The following LRP6 variants were observed in gnomAD, a reference collection of about 807,000 sequenced individuals.
LRP6 encodes the protein low-density lipoprotein receptor-related protein 6.
A neutral mutation model predicts 184.1 loss-of-function variants in LRP6; 43 were observed. The ratio of observed to expected loss-of-function variants is 0.23; its 90% CI spans 0.18 to 0.30. The LOEUF (loss-of-function observed/expected upper bound fraction) is 0.30. Among genes scored for constraint, LRP6 ranks in the 10% least tolerant of loss-of-function variants. The pLI, the probability that LRP6 is intolerant of heterozygous loss-of-function variation, is 1.00. For synonymous variants in LRP6, 719 were observed against 684.9 expected (o/e 1.05, Z -0.78); for missense variants, 1,571 against 2,005.3 (o/e 0.78, Z 4.14).
rs1565582951 is a variant in LRP6, at chr12:12,162,428, G to C, written c.2053-9C>G. Reference sequence around the variant, plus strand: ...AAGGCTCTGCTGATGGTCTGCAAAAGAACATTAACAACTAAGTCATATGGC... The same window carrying C: ...AAGGCTCTGCTGATGGTCTGCAAAACAACATTAACAACTAAGTCATATGGC... On this transcript the variant is annotated splice_polypyrimidine_tract_variant and intron_variant, in intron 9 of 22. Coordinates refer to ENST00000261349, the MANE Select transcript of LRP6 (RefSeq NM_002336.3). The C allele has an allele frequency of 1.2e-6, 2 of 1,606,112 alleles. No homozygotes were observed. Among genetic ancestry groups the C allele is most frequent in the African/African-American group, 2.7e-5 (2 of 74,762 alleles).
intron 10 of LRP6, 78 bp from the exon 11 acceptor site, chr12:12,160,042 CTAAA>C: frequency 9.5e-7 from 1 of 1,051,596 alleles, no homozygotes; most frequent in South Asian, 1.7e-5. Context: ...TGCAAAGTAA[CTAAA>C]TAAATTTAAA....
intron 1 of LRP6, among the ~76,000 whole-genome samples, chr12:12,260,135 T>C (rs778368401): frequency 6.6e-6 from 1 of 152,074 alleles, no homozygotes; most frequent in Non-Finnish European, 1.5e-5. Context: ...TCCCAGCACT[T>C]TGGGAGGCCG....
chr12:12,188,724 A>G (rs1289443013), intron 3 of LRP6, among the ~76,000 whole-genome samples: 1 of 152,212 alleles, frequency 6.6e-6, no homozygotes, highest in Non-Finnish European at 1.5e-5. Flanking sequence ...AATTTCCCAA[A>G]GAGAACTGTC....
Position 12,184,083 on chromosome 12 carries a change from C to T in LRP6, c.873G>A (p.Gly291=). Residue 291 remains glycine (G), a synonymous_variant, in exon 5 of 23, where the codon GGG becomes GGA. Coordinates refer to ENST00000261349, the MANE Select transcript of LRP6 (RefSeq NM_002336.3). ...ACATCAAACACAAATGGGAACAACC[C>T]CCATTGTCAATTCCACATGGATTTG... ...NATNPCGIDN[G]GCSHLCLMSP... is the part of the protein sequence containing the mutation. 1 of 1,613,552 alleles carries T rather than the reference C, an allele frequency of 6.2e-7. No individual in the cohort carries two copies. Among genetic ancestry groups the T allele is most frequent in the South Asian group, 1.1e-5 (1 of 91,062 alleles).
intron 2 of LRP6, among the ~76,000 whole-genome samples, chr12:12,235,457 C>T (rs1255777320): frequency 6.6e-6 from 1 of 152,152 alleles, no homozygotes; most frequent in Non-Finnish European, 1.5e-5. Context: ...CAGCCGGGAG[C>T]AGTGGCTCAC....
At chr12:12,124,426 G>A in intron 22 of LRP6, 139 bp downstream of exon 22, 1 of 675,858 alleles carries the variant, frequency 1.5e-6, no homozygotes, top group Non-Finnish European at 2.6e-6. Flanking sequence ...TGTGGTAGAG[G>A]CAATGTCAGT....
chr12:12,134,389 T>C (rs952759866), intron 17 of LRP6, among the ~76,000 whole-genome samples: 3 of 152,176 alleles, frequency 2.0e-5, no homozygotes, highest in South Asian at 4.2e-4. Flanking sequence ...TTTCCTTCAG[T>C]TGAATTAACT....
chr12:12,122,577 TC>T (rs1308870221), intron 22 of LRP6, among the ~76,000 whole-genome samples: 1 of 152,050 alleles, frequency 6.6e-6, no homozygotes, highest in Non-Finnish European at 1.5e-5. Flanking sequence ...CTACTCTGTC[TC>T]CCCTTCTTAC....
chr12:12,212,549 C>A (rs931429627), intron 2 of LRP6, among the ~76,000 whole-genome samples: 1 of 152,154 alleles, frequency 6.6e-6, no homozygotes, highest in Non-Finnish European at 1.5e-5. Context: ...AGTGAATACT[C>A]TGTCCTTTGT....
chr12:12,163,128 A>C (rs1260415159), intron 9 of LRP6, among the ~76,000 whole-genome samples: 1 of 151,950 alleles, frequency 6.6e-6, no homozygotes, highest in Non-Finnish European at 1.5e-5. Context: ...GGTATGCGCC[A>C]CCATGACCAG....
intron 16 of LRP6, among the ~76,000 whole-genome samples, chr12:12,135,948 G>A (rs1331634642): frequency 2.6e-5 from 4 of 152,096 alleles, no homozygotes; most frequent in Admixed American, 6.5e-5. Flanking sequence ...ACTTTGGGAG[G>A]CTGCGGCAGG....
At chr12:12,184,532 G>C (rs1298407169) in intron 4 of LRP6, among the ~76,000 whole-genome samples, 1 of 152,184 alleles carries the variant, frequency 6.6e-6, no homozygotes, top group Non-Finnish European at 1.5e-5. Context: ...CAGCACGGGA[G>C]CCTTCAAGGA....
intron 15 of LRP6, among the ~76,000 whole-genome samples, chr12:12,144,759 T>G (rs1272154959): frequency 6.6e-6 from 1 of 152,186 alleles, no homozygotes; most frequent in African/African-American, 2.4e-5. Flanking sequence ...TCATGTCCTT[T>G]GCAGAGACAT....
chr12:12,250,677 CAGTG>C (rs368556335), intron 1 of LRP6, among the ~76,000 whole-genome samples: 6 of 152,146 alleles, frequency 3.9e-5, no homozygotes, highest in African/African-American at 1.2e-4. Flanking sequence ...GGCTGGAGTG[CAGTG>C]GCACAATCTC....
At position 12,120,889 on chromosome 12, in the gene LRP6, A is replaced by T; in HGVS notation, c.*237T>A. ...TTGCAAAAATAAAACTTTTAGTACA[A>T]ATTTTTTTTATACAAACTTTTATGG... On this transcript the variant is annotated 3_prime_UTR_variant, in exon 23 of 23. Transcript: ENST00000261349. 5.3e-6 allele frequency: 2 copies of T among 379,722 alleles called. No individual in the cohort carries two copies. The highest frequency in any genetic ancestry group is 9.3e-6 in the Non-Finnish European group (2 of 215,024). 23.5% of individuals were successfully genotyped at this position (379,722 alleles called of 1,614,324 possible).
intron 7 of LRP6, among the ~76,000 whole-genome samples, chr12:12,166,295 G>A (rs764336647): frequency 6.6e-6 from 1 of 152,114 alleles, no homozygotes; most frequent in Non-Finnish European, 1.5e-5. Flanking sequence ...GGTCTTCTCA[G>A]TTTCTACTGC....
At chr12:12,216,654 T>TA (rs1565662770) in intron 2 of LRP6, among the ~76,000 whole-genome samples, 29 of 144,452 alleles carry the variant, frequency 2.0e-4, no homozygotes, top group Admixed American at 6.2e-4. Flanking sequence ...TACTTAAAAT[T>TA]TAAAAAAAAA....
intron 7 of LRP6, among the ~76,000 whole-genome samples, chr12:12,178,191 T>TC (rs984147862): frequency 3.3e-5 from 5 of 152,322 alleles, no homozygotes; most frequent in African/African-American, 1.2e-4. Flanking sequence ...TTAAAGATGG[T>TC]CACTCAGAAC....
At chr12:12,248,961 T>C in intron 1 of LRP6, 1 of 483,164 alleles carries the variant, frequency 2.1e-6, no homozygotes, top group Non-Finnish European at 3.7e-6. Context: ...GTATAAAAAA[T>C]TAAAGTTCAC....
Sources: allele counts gnomAD v4.1 joint callset (sites outside exome capture counted in the v4.1 genomes callset), GRCh38; gene constraint gnomAD v4.1.1; transcripts MANE v1.5; gene names NCBI Gene and HGNC (gene_info 2026-07-23, HGNC 2026-07-21).